Variants in MEGF9 observed in about 807,000 individuals in gnomAD.
The protein encoded by MEGF9 is multiple EGF like domains 9.
A neutral mutation model predicts 46.8 loss-of-function variants in MEGF9; 6 were observed. The ratio of observed to expected loss-of-function variants is 0.13; its 90% CI spans 0.07 to 0.25. The LOEUF (loss-of-function observed/expected upper bound fraction) is 0.25, where lower values mean the gene tolerates loss of function less well. Ranked by LOEUF, MEGF9 falls within the 10% of genes least tolerant of loss-of-function variation. The probability of loss-of-function intolerance (pLI) is 1.00; values close to 1 mark genes in which losing one functional copy is unlikely to be tolerated. For synonymous variants in MEGF9, 302 were observed against 330.7 expected, an observed-to-expected ratio of 0.91 and a Z score of 0.94; for missense variants, 683 against 792.4, an observed-to-expected ratio of 0.86 and a Z score of 1.66.
At chr9:120,678,849 T>C (rs2043785183) in intron 1 of MEGF9, among the ~76,000 whole-genome samples, 1 of 152,164 alleles carries the variant, frequency 6.6e-6, no homozygotes, top group South Asian at 2.1e-4. Flanking sequence ...ATTAAGAGAC[T>C]CTGGCTGAAC....
At chr9:120,665,431 C>T (rs929848243) in intron 1 of MEGF9, among the ~76,000 whole-genome samples, 15 of 152,088 alleles carry the variant, frequency 9.9e-5, no homozygotes, top group African/African-American at 1.9e-4. Context: ...TCTTGAACTC[C>T]TGACCTCGTA....
At chr9:120,609,436 T>G (rs951884694) in intron 4 of MEGF9, among the ~76,000 whole-genome samples, 1 of 152,192 alleles carries the variant, frequency 6.6e-6, no homozygotes, top group Admixed American at 6.5e-5. Flanking sequence ...CTGTAACACA[T>G]GTCATTTGAA....
chr9:120,624,865 T>A (rs2043517134), intron 2 of MEGF9, among the ~76,000 whole-genome samples: 2 of 109,650 alleles, frequency 1.8e-5, no homozygotes, highest in African/African-American at 7.1e-5. Context: ...AGAGTGAGAC[T>A]CCGTCTCAAA....
intron 2 of MEGF9, among the ~76,000 whole-genome samples, chr9:120,646,178 T>C (rs1165620867): frequency 6.6e-6 from 1 of 152,162 alleles, no homozygotes; most frequent in Non-Finnish European, 1.5e-5. Context: ...TCTCCATATT[T>C]TAAATATTCT....
chr9:120,638,523 T>C (rs1387613835), intron 2 of MEGF9, among the ~76,000 whole-genome samples: 1 of 152,034 alleles, frequency 6.6e-6, no homozygotes, highest in Non-Finnish European at 1.5e-5. Flanking sequence ...CTATAGGGGG[T>C]AGAGTAGTCA....
intron 4 of MEGF9, among the ~76,000 whole-genome samples, chr9:120,608,382 T>C (rs1357777347): frequency 6.6e-6 from 1 of 152,216 alleles, no homozygotes; most frequent in African/African-American, 2.4e-5. Flanking sequence ...TCTGAATGAT[T>C]ATGATGGGTT....
intron 4 of MEGF9, among the ~76,000 whole-genome samples, chr9:120,611,879 G>GAGAA (rs1437072048): frequency 5.3e-5 from 8 of 150,486 alleles, no homozygotes; most frequent in African/African-American, 7.4e-5. Flanking sequence ...GAGAGAGAGA[G>GAGAA]AGAGAGAAAG....
chr9:120,689,569 A>C (rs139365172), intron 1 of MEGF9, among the ~76,000 whole-genome samples: 9 of 152,252 alleles, frequency 5.9e-5, no homozygotes, highest in African/African-American at 2.2e-4. Flanking sequence ...AGAGATGAAG[A>C]TAGCCAGAAA....
chr9:120,618,708 G>C (rs887194111), intron 3 of MEGF9, among the ~76,000 whole-genome samples: 4 of 151,870 alleles, frequency 2.6e-5, no homozygotes, highest in African/African-American at 9.7e-5. Context: ...GATCAGCCTG[G>C]CCACCATGGT....
chr9:120,712,717 C>T (rs1174757144), intron 1 of MEGF9, among the ~76,000 whole-genome samples: 1 of 152,194 alleles, frequency 6.6e-6, no homozygotes, highest in Admixed American at 6.5e-5. Context: ...CACAGTAAAT[C>T]ACTAAGCCTA....
At chr9:120,692,937 C>T (rs1218179230) in intron 1 of MEGF9, among the ~76,000 whole-genome samples, 1 of 152,068 alleles carries the variant, frequency 6.6e-6, no homozygotes, top group Non-Finnish European at 1.5e-5. Flanking sequence ...TAGTACATAC[C>T]ACTATGATAG....
At chr9:120,630,930 T>C (rs2043548021) in intron 2 of MEGF9, among the ~76,000 whole-genome samples, 1 of 152,248 alleles carries the variant, frequency 6.6e-6, no homozygotes, top group Non-Finnish European at 1.5e-5. Context: ...ATTCTGCATA[T>C]TGTCTTTTCA....
At chr9:120,711,320 C>T (rs1424979751) in intron 1 of MEGF9, among the ~76,000 whole-genome samples, 2 of 152,092 alleles carry the variant, frequency 1.3e-5, no homozygotes, top group South Asian at 2.1e-4. Flanking sequence ...AAAGTAGACC[C>T]TAGATACCGA....
At chr9:120,704,617 C>G (rs1357865428) in intron 1 of MEGF9, among the ~76,000 whole-genome samples, 1 of 152,092 alleles carries the variant, frequency 6.6e-6, no homozygotes, top group Non-Finnish European at 1.5e-5. Context: ...AAATCTGAAA[C>G]CCAACAAAAC....
chr9:120,703,403 A>C (rs1313072090), intron 1 of MEGF9, among the ~76,000 whole-genome samples: 2 of 152,180 alleles, frequency 1.3e-5, no homozygotes, highest in African/African-American at 4.8e-5. Flanking sequence ...GCTTGAGCAA[A>C]CTACTTTAAC....
At chr9:120,640,244 A>C (rs2043596312) in intron 2 of MEGF9, among the ~76,000 whole-genome samples, 1 of 152,202 alleles carries the variant, frequency 6.6e-6, no homozygotes, top group African/African-American at 2.4e-5. Context: ...TACATCAGGC[A>C]TCTTCCTGCA....
At chr9:120,691,053 T>A (rs2043845864) in intron 1 of MEGF9, among the ~76,000 whole-genome samples, 1 of 152,150 alleles carries the variant, frequency 6.6e-6, no homozygotes, top group South Asian at 2.1e-4. Context: ...TCTTCACATG[T>A]AGAAACTGGG....
At chr9:120,639,537 AG>A (rs1276488941) in intron 2 of MEGF9, among the ~76,000 whole-genome samples, 3 of 149,654 alleles carry the variant, frequency 2.0e-5, no homozygotes, top group Admixed American at 2.0e-4. Flanking sequence ...AAAAAAAGAT[AG>A]GAACTCTGGA....
At position 120,713,781 on chromosome 9, in the gene MEGF9, T is replaced by C; in HGVS notation, c.578A>G (p.Glu193Gly). 1 of 1,293,038 alleles carries C rather than the reference T, an allele frequency of 7.7e-7. No homozygotes were observed. The allele number at this position is 1,293,038 out of a possible 1,614,324, so 80.1% of individuals were successfully genotyped here. Residue 193 changes from glutamate (E) to glycine (G), a missense_variant, in exon 1 of 6, where the codon GAG (glutamate) becomes GGG (glycine). Glu to Gly is a moderately conservative substitution (Grantham distance 98, BLOSUM62 -2). Coordinates refer to ENST00000373930, the MANE Select transcript of MEGF9 (RefSeq NM_001080497.3). Reference protein sequence around the residue: ...SSVLPTPPATEAPSSPPPEYV... With the variant: ...SSVLPTPPATGAPSSPPPEYV... Reference sequence around the variant, plus strand: ...ACCTGGAGGAGGCGAAGAGGGGGCCTCGGTGGCAGGTGGGGTGGGGAGGAC... The same window carrying C: ...ACCTGGAGGAGGCGAAGAGGGGGCCCCGGTGGCAGGTGGGGTGGGGAGGAC...
Sources: allele counts gnomAD v4.1 joint callset (sites outside exome capture counted in the v4.1 genomes callset), GRCh38; gene constraint gnomAD v4.1.1; transcripts MANE v1.5; gene names NCBI Gene and HGNC (gene_info 2026-07-23, HGNC 2026-07-21).